LGR4: variants seen among roughly 807,000 people sequenced by gnomAD.
The protein encoded by LGR4 is leucine-rich repeat-containing G protein-coupled receptor 4.
In LGR4, 44 loss-of-function variants were observed where a neutral mutation model predicts 84.8. That is an observed-to-expected ratio of 0.52 (90% CI 0.41 to 0.67). The LOEUF (loss-of-function observed/expected upper bound fraction) is 0.67, where lower values mean the gene tolerates loss of function less well. Ranked by LOEUF, LGR4 falls within the 30% of genes least tolerant of loss-of-function variation. The probability of loss-of-function intolerance (pLI) is 0.00; values close to 1 mark genes in which losing one functional copy is unlikely to be tolerated. For missense variants in LGR4, 1,032 were observed against 1,131.4 expected, an observed-to-expected ratio of 0.91 and a Z score of 1.26; for synonymous variants, 429 against 434.3, an observed-to-expected ratio of 0.99 and a Z score of 0.15.
intron 2 of LGR4, among the ~76,000 whole-genome samples, chr11:27,410,967 C>T (rs947409666): frequency 2.6e-5 from 4 of 152,076 alleles, no homozygotes; most frequent in Non-Finnish European, 2.9e-5. Flanking sequence ...ATGTGAACTT[C>T]GCTAAGCAGA....
intron 12 of LGR4, among the ~76,000 whole-genome samples, chr11:27,376,678 G>T (rs1285810866): frequency 6.6e-6 from 1 of 152,060 alleles, no homozygotes; most frequent in Non-Finnish European, 1.5e-5. Context: ...CCCCACTCAG[G>T]CATAAGAGAA....
chr11:27,465,916 A>G (rs1864768343), intron 1 of LGR4, among the ~76,000 whole-genome samples: 1 of 152,178 alleles, frequency 6.6e-6, no homozygotes, highest in South Asian at 2.1e-4. Context: ...ATCATCTTCA[A>G]TCAAGCTTTT....
chr11:27,426,858 T>A (rs975829927), intron 1 of LGR4, among the ~76,000 whole-genome samples: 1 of 152,196 alleles, frequency 6.6e-6, no homozygotes, highest in South Asian at 2.1e-4. Context: ...AGCTGGATTG[T>A]GTTGCAGTGA....
At chr11:27,394,478 C>T (rs1863349211) in intron 2 of LGR4, among the ~76,000 whole-genome samples, 1 of 152,210 alleles carries the variant, frequency 6.6e-6, no homozygotes, top group Non-Finnish European at 1.5e-5. Context: ...TCTCAGCTCA[C>T]TGCAATCTCT....
At chr11:27,375,976 T>A (rs1293260984) in intron 13 of LGR4, among the ~76,000 whole-genome samples, 1 of 151,362 alleles carries the variant, frequency 6.6e-6, no homozygotes, top group Admixed American at 6.6e-5. Flanking sequence ...ACAAATTATA[T>A]CTTTTTTTTT....
intron 2 of LGR4, among the ~76,000 whole-genome samples, chr11:27,406,965 A>G (rs1310471591): frequency 1.3e-5 from 2 of 152,160 alleles, no homozygotes; most frequent in Non-Finnish European, 1.5e-5. Flanking sequence ...GCTACTTTCT[A>G]CAGCTCTGAA....
intron 1 of LGR4, among the ~76,000 whole-genome samples, chr11:27,423,298 T>C (rs1390182402): frequency 5.3e-5 from 8 of 152,160 alleles, no homozygotes; most frequent in African/African-American, 1.9e-4. Flanking sequence ...GCAATCCATA[T>C]ACCCTGAAGA....
intron 1 of LGR4, among the ~76,000 whole-genome samples, chr11:27,433,514 A>G (rs1422201971): frequency 6.6e-6 from 1 of 151,504 alleles, no homozygotes; most frequent in Non-Finnish European, 1.5e-5. Context: ...TACAGGTGTG[A>G]GCCACCATGC....
chr11:27,373,764 A>G, intron 14 of LGR4, 88 bp from the exon 15 acceptor site: 1 of 1,282,360 alleles, frequency 7.8e-7, no homozygotes, highest in East Asian at 2.4e-5. Flanking sequence ...TAAATATTAG[A>G]TCCCTAAGAT....
chr11:27,471,137 C>T (rs986176007), intron 1 of LGR4, among the ~76,000 whole-genome samples: 6 of 152,210 alleles, frequency 3.9e-5, no homozygotes, highest in African/African-American at 1.2e-4. Flanking sequence ...TATCCGTGGC[C>T]TTTGCCACCA....
chr11:27,414,936 T>C (rs1863785831), intron 1 of LGR4, among the ~76,000 whole-genome samples: 1 of 152,178 alleles, frequency 6.6e-6, no homozygotes, highest in African/African-American at 2.4e-5. Context: ...AGTTTATTCA[T>C]GGAGGAGTCT....
In LGR4 at chr11:27,444,224, C is replaced by T. The variant is rs181188927; in HGVS notation, c.185+27894G>A. On this transcript the variant is annotated intron_variant, in intron 1 of 17. Transcript: ENST00000379214. The stretch of plus-strand genomic sequence containing the variant: ...CATCAGTAACAAAGCAAGTTCTTTC[C>T]ATTTCAGGCTTGGGGAGTGGAGGGT... Among the ~76,000 whole-genome samples, 432 of 152,112 alleles carry T rather than the reference C, an allele frequency of 2.8e-3. 8 individuals carry two copies. The highest frequency in any genetic ancestry group is 2.0e-3 in the Non-Finnish European group (134 of 67,998).
At chr11:27,421,277 C>A (rs1422974034) in intron 1 of LGR4, among the ~76,000 whole-genome samples, 2 of 152,120 alleles carry the variant, frequency 1.3e-5, no homozygotes, top group Non-Finnish European at 2.9e-5. Flanking sequence ...ACATTCCATG[C>A]ATAATTATGG....
intron 1 of LGR4, among the ~76,000 whole-genome samples, chr11:27,455,735 T>C (rs1410671396): frequency 2.0e-5 from 3 of 152,142 alleles, no homozygotes. Flanking sequence ...AACGCCTACA[T>C]TTAGGAAGAG....
intron 4 of LGR4, among the ~76,000 whole-genome samples, chr11:27,388,175 G>T (rs1239779535): frequency 6.6e-6 from 1 of 152,174 alleles, no homozygotes; most frequent in Non-Finnish European, 1.5e-5. Context: ...GGTTAAATGA[G>T]AAAAACGATT....
In LGR4 at chr11:27,378,583, G is replaced by C; in HGVS notation, c.1043+114C>G. ...ATATCTGCTCCTTTACAACAACTAA[G>C]AAGTAATTATACCTCAAAACCACCT... is the stretch of plus-strand genomic sequence containing the variant. On this transcript the variant is annotated intron_variant, in intron 11 of 17. Transcript: ENST00000379214. 2 of 745,456 alleles carry C rather than the reference G, an allele frequency of 2.7e-6. 1 individual carries two copies. The highest frequency in any genetic ancestry group is 4.7e-4 in the Middle Eastern group (2 of 4,218). The allele number at this position is 745,456 out of a possible 1,614,324, so 46.2% of individuals were successfully genotyped here.
chr11:27,391,767 G>A (rs1003635724), intron 3 of LGR4, among the ~76,000 whole-genome samples: 14 of 152,106 alleles, frequency 9.2e-5, no homozygotes, highest in African/African-American at 3.1e-4. Flanking sequence ...AAATTCTTTT[G>A]ATTTTTTTGC....
chr11:27,453,930 C>G (rs1477418293), intron 1 of LGR4, among the ~76,000 whole-genome samples: 2 of 152,140 alleles, frequency 1.3e-5, no homozygotes, highest in African/African-American at 4.8e-5. Flanking sequence ...TATCCTACAC[C>G]CTTTTGGAAT....
chr11:27,442,782 C>T (rs1864325706), intron 1 of LGR4, among the ~76,000 whole-genome samples: 1 of 152,180 alleles, frequency 6.6e-6, no homozygotes, highest in South Asian at 2.1e-4. Flanking sequence ...AGAGAGAAGA[C>T]AGTTATTTTC....
Sources: allele counts gnomAD v4.1 joint callset (sites outside exome capture counted in the v4.1 genomes callset), GRCh38; gene constraint gnomAD v4.1.1; transcripts MANE v1.5; gene names NCBI Gene and HGNC (gene_info 2026-07-23, HGNC 2026-07-21).